Variants in IL6ST observed in about 807,000 individuals in gnomAD.
IL6ST encodes interleukin 6 cytokine family signal transducer, also known as interleukin-6 receptor subunit beta.
Under a neutral mutation model 91.3 loss-of-function variants are expected in IL6ST, and 24 were observed. The observed-to-expected ratio is 0.26, with a 90% CI of 0.19 to 0.37. IL6ST has a LOEUF of 0.37. Ranked by LOEUF, IL6ST falls within the 10% of genes least tolerant of loss-of-function variation. IL6ST has a pLI of 1.00. For missense variants in IL6ST, 914 were observed against 1,078.5 expected (o/e 0.85, Z 2.14); for synonymous variants, 351 against 373.6 (o/e 0.94, Z 0.70).
At chr5:55,947,444 G>T in intron 15 of IL6ST, 49 bp downstream of exon 15, 2 of 964,604 alleles carry the variant, frequency 2.1e-6, no homozygotes, top group South Asian at 1.4e-5. Flanking sequence ...TGTAAATTCA[G>T]CTCAATAAAG....
At chr5:55,988,797 C>A (rs1289970025) in intron 1 of IL6ST, among the ~76,000 whole-genome samples, 1 of 146,738 alleles carries the variant, frequency 6.8e-6, no homozygotes, top group African/African-American at 2.5e-5. Flanking sequence ...CTCCTACATA[C>A]CAGTAATAAC....
At chr5:55,994,532 G>A (rs143754297) in intron 1 of IL6ST, among the ~76,000 whole-genome samples, 2 of 151,838 alleles carry the variant, frequency 1.3e-5, no homozygotes, top group East Asian at 3.9e-4. Flanking sequence ...GGCGTTAAGA[G>A]GGGTGCGTGC....
In IL6ST at chr5:55,941,215, T is replaced by A; in HGVS notation, c.2624A>T (p.Asp875Val). Residue 875 changes from aspartate (D) to valine (V), a missense_variant, in exon 17 of 17, where the codon GAT becomes GTT. By Grantham distance (152) the Asp-to-Val change is radical. Coordinates refer to ENST00000381298, the MANE Select transcript of IL6ST (RefSeq NM_002184.4). ...MKMFQEVSAA[D>V]AFGPGTEGQV... ...TCCCTCAGTACCTGGACCAAAAGCATCTGCTGCAGAAACTTCCTGAAACAT... is the reference window on the plus strand; with the variant it reads ...TCCCTCAGTACCTGGACCAAAAGCAACTGCTGCAGAAACTTCCTGAAACAT... The A allele has an allele frequency of 1.9e-6, 3 of 1,614,154 alleles. No homozygotes were observed. The highest frequency in any genetic ancestry group is 2.5e-6 in the Non-Finnish European group (3 of 1,179,998).
chr5:55,947,173 T>C (rs1580790840), intron 15 of IL6ST, among the ~76,000 whole-genome samples: 2 of 152,154 alleles, frequency 1.3e-5, no homozygotes, highest in East Asian at 3.9e-4. Flanking sequence ...CACTCCATCC[T>C]GGGCAACAAG....
chr5:55,983,902 T>A lies in IL6ST; in HGVS notation c.-103-1091A>T, dbSNP rs116534401. ...ACTTAACACTACATAGTGGACATCT[T>A]CATAAGTTAATATATAGAGAGTAAT... On this transcript the variant is annotated intron_variant, in intron 1 of 16. Coordinates refer to ENST00000381298, the MANE Select transcript of IL6ST (RefSeq NM_002184.4). Among the ~76,000 whole-genome samples, 473 of 152,330 alleles carry A rather than the reference T, an allele frequency of 3.1e-3. 6 individuals are homozygous for A. Among genetic ancestry groups the A allele is most frequent in the African/African-American group, 0.011 (458 of 41,574 alleles).
At chr5:55,960,170 C>T (rs1469059035) in intron 8 of IL6ST, among the ~76,000 whole-genome samples, 2 of 152,164 alleles carry the variant, frequency 1.3e-5, no homozygotes, top group South Asian at 2.1e-4. Flanking sequence ...AGGTGTGAGC[C>T]ACCGCATCTG....
intron 5 of IL6ST, among the ~76,000 whole-genome samples, chr5:55,966,589 C>T (rs1002230909): frequency 5.3e-5 from 8 of 152,092 alleles, no homozygotes; most frequent in Admixed American, 2.0e-4. Context: ...ATGACTGTAA[C>T]TCACTATGAA....
In IL6ST at chr5:55,940,976, T is replaced by C; in HGVS notation, c.*106A>G. ...CATTTTTGTCCTTAAGGGCAAATGA[T>C]CATCTTCAGAGAGTGAAGACTTTTT... On this transcript the variant is annotated 3_prime_UTR_variant, in exon 17 of 17. Coordinates refer to ENST00000381298, the MANE Select transcript of IL6ST (RefSeq NM_002184.4). 1 of 1,131,006 alleles carries C rather than the reference T, an allele frequency of 8.8e-7. No homozygotes were observed. The highest frequency in any genetic ancestry group is 1.3e-6 in the Non-Finnish European group (1 of 790,542). The allele number at this position is 1,131,006 out of a possible 1,614,324, so 70.1% of individuals were successfully genotyped here.
intron 3 of IL6ST, among the ~76,000 whole-genome samples, chr5:55,971,688 G>A (rs2111826682): frequency 6.6e-6 from 1 of 152,272 alleles, no homozygotes; most frequent in South Asian, 2.1e-4. Flanking sequence ...CAGGCATGGT[G>A]GCACACGCCT....
At chr5:55,987,707 T>G (rs1460653158) in intron 1 of IL6ST, among the ~76,000 whole-genome samples, 1 of 152,236 alleles carries the variant, frequency 6.6e-6, no homozygotes, top group Non-Finnish European at 1.5e-5. Flanking sequence ...TCTAGGAATG[T>G]TATGATGATT....
At chr5:55,991,447 C>T (rs1341917915) in intron 1 of IL6ST, among the ~76,000 whole-genome samples, 12 of 151,964 alleles carry the variant, frequency 7.9e-5, no homozygotes. Context: ...AATATCTTTC[C>T]CACCCATCTC....
chr5:55,954,574 C>T (rs140161068), intron 11 of IL6ST, among the ~76,000 whole-genome samples: 18 of 152,222 alleles, frequency 1.2e-4, no homozygotes, highest in South Asian at 8.3e-4. Flanking sequence ...TTTCCCTTGA[C>T]GATAAAATCA....
At chr5:55,946,397 T>C (rs1561157779) in intron 15 of IL6ST, among the ~76,000 whole-genome samples, 5 of 152,264 alleles carry the variant, frequency 3.3e-5, no homozygotes, top group Admixed American at 3.3e-4. Context: ...CGCACAGTTT[T>C]GTATGTGAAT....
chr5:55,972,721 TG>T (rs1223154558), intron 3 of IL6ST, among the ~76,000 whole-genome samples: 2 of 152,018 alleles, frequency 1.3e-5, no homozygotes, highest in East Asian at 3.9e-4. Context: ...ACACTATAAC[TG>T]GGTTGGACGC....
intron 9 of IL6ST, among the ~76,000 whole-genome samples, chr5:55,956,509 A>G (rs1489967229): frequency 6.6e-6 from 1 of 152,204 alleles, no homozygotes; most frequent in Non-Finnish European, 1.5e-5. Context: ...ATGTAGGTCT[A>G]AATTATTTAT....
chr5:55,994,417 T>G (rs529025429), intron 1 of IL6ST, among the ~76,000 whole-genome samples: 4 of 151,936 alleles, frequency 2.6e-5, no homozygotes, highest in African/African-American at 9.7e-5. Flanking sequence ...TGAAGACAAG[T>G]GCGGAGCGAA....
intron 6 of IL6ST, among the ~76,000 whole-genome samples, 195 bp from the exon 7 acceptor site, chr5:55,963,701 TC>T (rs1752472060): frequency 6.6e-6 from 1 of 152,150 alleles, no homozygotes; most frequent in African/African-American, 2.4e-5. Context: ...TCTTCAGTTC[TC>T]CTTGTTAATT....
At position 55,935,294 on chromosome 5, in the gene IL6ST, A is replaced by G. The variant is rs528264426; in HGVS notation, c.*5788T>C. 1.2e-4 allele frequency: 23 copies of G among 191,804 alleles called. No homozygotes were observed. The highest frequency in any genetic ancestry group is 2.3e-4 in the Non-Finnish European group (21 of 91,738). The allele number at this position is 191,804 out of a possible 1,614,324, so 11.9% of individuals were successfully genotyped here. A position where few individuals can be genotyped will look rare whatever the true frequency, so the allele number is the denominator to read the frequency against. On this transcript the variant is annotated 3_prime_UTR_variant, in exon 17 of 17. Coordinates refer to ENST00000381298, the MANE Select transcript of IL6ST (RefSeq NM_002184.4). ...TTCTAGATACACTTTTTTGACATGT[A>G]AAATGACATAACCATAGTCACAGGG... is the stretch of plus-strand genomic sequence containing the variant.
intron 5 of IL6ST, among the ~76,000 whole-genome samples, chr5:55,966,971 C>T (rs1752667987): frequency 6.6e-6 from 1 of 151,294 alleles, no homozygotes; most frequent in African/African-American, 2.4e-5. Flanking sequence ...AAAAATCAAA[C>T]CCAAATCTGA....
Sources: gnomAD v4.1 joint callset for allele counts (sites outside exome capture counted in the v4.1 genomes callset) on GRCh38, gnomAD v4.1.1 for gene constraint, MANE v1.5 for transcripts, NCBI Gene and HGNC (gene_info 2026-07-23, HGNC 2026-07-21) for gene names.